MYO1F: variants seen among roughly 807,000 people sequenced by gnomAD.
The protein encoded by MYO1F is myosin IF, also known as unconventional myosin-If.
A neutral mutation model predicts 146.6 loss-of-function variants in MYO1F; 60 were observed. That is an observed-to-expected ratio of 0.41 (90% confidence interval 0.33 to 0.51). The LOEUF (loss-of-function observed/expected upper bound fraction) is 0.51. Ranked by LOEUF, MYO1F falls within the 20% of genes least tolerant of loss-of-function variation. The probability of loss-of-function intolerance (pLI) is 0.25; values close to 1 mark genes in which losing one functional copy is unlikely to be tolerated. For synonymous variants in MYO1F, 602 were observed against 602.1 expected (o/e 1.00, Z 0.00); for missense variants, 1,274 against 1,534.3 (o/e 0.83, Z 2.83).
At chr19:8,555,136 C>T (rs761984729) in intron 2 of MYO1F, among the ~76,000 whole-genome samples, 1 of 150,226 alleles carries the variant, frequency 6.7e-6, no homozygotes, top group South Asian at 2.1e-4. Context: ...AGCGAGCTAT[C>T]GTGCCATTGC....
At chr19:8,570,613 C>T (rs1268707442) in intron 1 of MYO1F, among the ~76,000 whole-genome samples, 2 of 151,944 alleles carry the variant, frequency 1.3e-5, no homozygotes, top group Non-Finnish European at 2.9e-5. Flanking sequence ...GTGATCTGCC[C>T]GCCTTGACCT....
intron 25 of MYO1F, among the ~76,000 whole-genome samples, chr19:8,523,924 G>C (rs1169914419): frequency 6.6e-6 from 1 of 151,716 alleles, no homozygotes; most frequent in Non-Finnish European, 1.5e-5. Context: ...TTTGAGACAA[G>C]CCTGGCCAAC....
intron 1 of MYO1F, among the ~76,000 whole-genome samples, chr19:8,572,906 G>C (rs2042136768): frequency 6.6e-6 from 1 of 152,082 alleles, no homozygotes; most frequent in Non-Finnish European, 1.5e-5. Context: ...ATGTCTCCCA[G>C]GCTGGTCTCG....
At chr19:8,544,567 A>C in intron 13 of MYO1F, 103 bp from the exon 14 acceptor site, 1 of 644,744 alleles carries the variant, frequency 1.6e-6, no homozygotes, top group Non-Finnish European at 2.4e-6. Context: ...GGAGGAGTGG[A>C]GGGAGCTAGA....
At chr19:8,529,827 G>A (rs1370564350) in intron 21 of MYO1F, 4 of 424,282 alleles carry the variant, frequency 9.4e-6, no homozygotes, top group Non-Finnish European at 1.8e-5. Context: ...GTGTGTCTGT[G>A]CCGGGTAATG....
intron 14 of MYO1F, chr19:8,543,960 GTGGTGGTGGTGCTGGTGCTGGTGC>G (rs1973191823): frequency 1.1e-5 from 4 of 348,922 alleles, no homozygotes; most frequent in Non-Finnish European, 2.1e-5. Context: ...GGTGGTGGTG[GTGGTGGTGGTGCTGGTGCTGGTGC>G]TGGTGGTGGT....
At chr19:8,572,714 G>A (rs564152556) in intron 1 of MYO1F, among the ~76,000 whole-genome samples, 56 of 152,170 alleles carry the variant, frequency 3.7e-4, no homozygotes, top group Admixed American at 1.0e-3. Flanking sequence ...TATTTGTTTA[G>A]AAACAGAGTC....
intron 1 of MYO1F, among the ~76,000 whole-genome samples, chr19:8,564,549 G>A (rs558917294): frequency 2.0e-5 from 3 of 152,104 alleles, no homozygotes; most frequent in South Asian, 2.1e-4. Flanking sequence ...GGCAAAACCC[G>A]GACCAGGCAG....
chr19:8,553,894 A>ACACACACACACACACTCTCTCTCTCT, intron 4 of MYO1F, among the ~76,000 whole-genome samples: 98 of 102,622 alleles, frequency 9.5e-4, no homozygotes, highest in Non-Finnish European at 1.1e-3. Context: ...ACACACACAC[A>ACACACACACACACACTCTCTCTCTCT]CTCTCTCTCT....
chr19:8,552,819 A>G (rs1599995706), intron 6 of MYO1F, among the ~76,000 whole-genome samples: 1 of 152,110 alleles, frequency 6.6e-6, no homozygotes, highest in African/African-American at 2.4e-5. Context: ...TCCCAGAACT[A>G]TTGTCGAAAG....
At chr19:8,554,937 A>G (rs1973782213) in intron 2 of MYO1F, among the ~76,000 whole-genome samples, 194 bp from the exon 3 acceptor site, 1 of 151,956 alleles carries the variant, frequency 6.6e-6, no homozygotes, top group Admixed American at 6.6e-5. Flanking sequence ...TAATCCCAGC[A>G]CTTTGGAAGG....
chr19:8,530,338 T>C lies in MYO1F; in HGVS notation c.2186A>G (p.Glu729Gly). The C allele has an allele frequency of 1.2e-6, 2 of 1,614,138 alleles. No individual in the cohort carries two copies. Among genetic ancestry groups the C allele is most frequent in the African/African-American group, 1.3e-5 (1 of 75,036 alleles). ...CCGATTGATGCTGTTGCGCCTCCGCTCCTTCTTGTTCAGCAGGATGTTGGA... is the reference window on the plus strand; with the variant it reads ...CCGATTGATGCTGTTGCGCCTCCGCCCCTTCTTGTTCAGCAGGATGTTGGA... ...EASNILLNKK[E>G]RRRNSINRNF... is the part of the protein sequence containing the mutation. The change falls in exon 21 of 28, where the codon GAG becomes GGG. Residue 729 changes from glutamate (E) to glycine (G), a missense_variant. Glu to Gly is a moderately conservative substitution (Grantham distance 98). Transcript: ENST00000644032. This position sits in a 1 kb window ranked among gnomAD's most constrained non-coding sequence, Gnocchi z 5.8.
chr19:8,562,685 C>T lies in MYO1F; in HGVS notation c.4-6889G>A, dbSNP rs117162033. Among the ~76,000 whole-genome samples, 1,422 of 151,842 alleles carry T rather than the reference C, an allele frequency of 9.4e-3. 9 individuals carry two copies. The highest frequency in any genetic ancestry group is 0.014 in the Non-Finnish European group (955 of 67,950). ...GAGTAGCTGGGACCACAGGCAAGTACCACTGTGCCCAGCTACTTAAATTTT... is the reference window on the plus strand; with the variant it reads ...GAGTAGCTGGGACCACAGGCAAGTATCACTGTGCCCAGCTACTTAAATTTT... On this transcript the variant is annotated intron_variant, in intron 1 of 27. Coordinates refer to ENST00000644032, the MANE Select transcript of MYO1F (RefSeq NM_012335.4).
chr19:8,548,605 T>C lies in MYO1F; in HGVS notation c.1102-288A>G, dbSNP rs867879109. Among the ~76,000 whole-genome samples the C allele has an allele frequency of 0.046, 6,540 of 143,086 alleles. 499 individuals carry two copies. The highest frequency in any genetic ancestry group is 0.17 in the African/African-American group (6,083 of 35,364). The allele number at this position is 143,086 out of a possible 152,430, so 93.9% of individuals were successfully genotyped here. On this transcript the variant is annotated intron_variant, in intron 10 of 27. Coordinates refer to ENST00000644032, the MANE Select transcript of MYO1F (RefSeq NM_012335.4). Reference sequence around the variant, plus strand: ...CACCTCTATTTTCTTTTTTTTTTTTTCTTTTTTTTTTTTGAGACGGAGTCT... The same window carrying C: ...CACCTCTATTTTCTTTTTTTTTTTTCCTTTTTTTTTTTTGAGACGGAGTCT...
At chr19:8,574,490 G>C (rs782376775) in intron 1 of MYO1F, among the ~76,000 whole-genome samples, 2 of 151,906 alleles carry the variant, frequency 1.3e-5, no homozygotes, top group African/African-American at 2.4e-5. Context: ...CGGGGCATTA[G>C]ATTTTCTTTT....
chr19:8,572,257 T>C (rs2042124402), intron 1 of MYO1F, among the ~76,000 whole-genome samples: 1 of 120,650 alleles, frequency 8.3e-6, no homozygotes, highest in Admixed American at 9.4e-5. Flanking sequence ...TTGCATCCAA[T>C]CAATTATGGG....
chr19:8,570,049 G>A (rs2042080120), intron 1 of MYO1F, among the ~76,000 whole-genome samples: 1 of 152,038 alleles, frequency 6.6e-6, no homozygotes, highest in African/African-American at 2.4e-5. Flanking sequence ...TGGGACCACA[G>A]GTGCATACTA....
intron 24 of MYO1F, 75 bp downstream of exon 24, chr19:8,526,378 C>A: frequency 6.5e-7 from 1 of 1,531,832 alleles, no homozygotes. Flanking sequence ...TAGACACTCC[C>A]CTTCCTGGCC....
chr19:8,564,849 T>C (rs2041973609), intron 1 of MYO1F, among the ~76,000 whole-genome samples: 1 of 151,800 alleles, frequency 6.6e-6, no homozygotes, highest in Non-Finnish European at 1.5e-5. Flanking sequence ...TTCGGCTCAC[T>C]GCAACCTCCG....
Sources: gnomAD v4.1 joint callset for allele counts (sites outside exome capture counted in the v4.1 genomes callset) on GRCh38, gnomAD v4.1.1 for gene constraint, Gnocchi (gnomAD v3.1) non-coding constraint, MANE v1.5 for transcripts, NCBI Gene and HGNC (gene_info 2026-07-23, HGNC 2026-07-21) for gene names.